ADGRF1: variants seen among roughly 807,000 people sequenced by gnomAD.
ADGRF1 encodes the protein G protein-coupled receptor 110.
Under a neutral mutation model 87.2 loss-of-function variants are expected in ADGRF1, and 85 were observed. That is an observed-to-expected ratio of 0.97 (90% CI 0.82 to 1.17). ADGRF1 has a LOEUF of 1.17. ADGRF1 is among the 50% of genes most tolerant of loss of function. The probability of loss-of-function intolerance (pLI) is 0.00; values close to 1 mark genes in which losing one functional copy is unlikely to be tolerated. For synonymous variants in ADGRF1, 430 were observed against 408.8 expected, an observed-to-expected ratio of 1.05 and a Z score of -0.63; for missense variants, 1,169 against 1,077.2, an observed-to-expected ratio of 1.09 and a Z score of -1.19.
At chr6:47,040,181 GT>G (rs1554138077) in intron 1 of ADGRF1, among the ~76,000 whole-genome samples, 1 of 150,820 alleles carries the variant, frequency 6.6e-6, no homozygotes, top group Non-Finnish European at 1.5e-5. Context: ...AGAGAACCAG[GT>G]GGCTGAGCGT....
intron 7 of ADGRF1, chr6:47,017,637 G>GA (rs1779922011): frequency 6.7e-6 from 1 of 148,560 alleles, no homozygotes; most frequent in Non-Finnish European, 1.5e-5. Context: ...ACCACTGATA[G>GA]AAAAATGAGG....
At chr6:47,020,610 C>A in intron 7 of ADGRF1, 121 bp downstream of exon 7, 1 of 1,542,302 alleles carries the variant, frequency 6.5e-7, no homozygotes, top group South Asian at 1.2e-5. Context: ...AGTAAAAATC[C>A]TACTATAAAG....
Position 47,000,272 on chromosome 6 carries a change from C to A in ADGRF1, c.2683G>T (p.Gly895Ter). 6.2e-7 allele frequency: 1 copy of A among 1,601,574 alleles called. No homozygotes were observed. The highest frequency in any genetic ancestry group is 8.5e-7 in the Non-Finnish European group (1 of 1,171,858). ...AGCATGATGTTGTCGGAGGAATCTCCAGTATGAGAAAATGCATAATGGCCT... is the reference window on the plus strand; with the variant it reads ...AGCATGATGTTGTCGGAGGAATCTCAAGTATGAGAAAATGCATAATGGCCT... ...NKGHYAFSHT[G>*]DSSDNIMLTQ... The change falls in exon 15 of 15, where the codon GGA becomes TGA. Residue 895 changes from glycine to a stop codon, truncating the protein, a stop_gained. Transcript: ENST00000371253. LOFTEE classifies it high-confidence loss of function.
At chr6:47,007,213 G>A (rs768704478) in intron 12 of ADGRF1, 40 bp downstream of exon 12, 7 of 1,316,146 alleles carry the variant, frequency 5.3e-6, no homozygotes, top group Non-Finnish European at 7.5e-6. Flanking sequence ...GGCCTAAGAT[G>A]TCTAGGCTAG....
chr6:47,035,338 T>G (rs530655180), intron 1 of ADGRF1, among the ~76,000 whole-genome samples: 1 of 152,368 alleles, frequency 6.6e-6, no homozygotes, highest in Non-Finnish European at 1.5e-5. Context: ...TCATCTCCTC[T>G]ACTTGACTTC....
At chr6:47,024,322 T>C (rs1226489) in intron 4 of ADGRF1, 105 bp from the exon 5 acceptor site, 36,109 of 817,772 alleles carry the variant, frequency 0.044, 3,537 homozygotes, top group African/African-American at 0.28. Flanking sequence ...ATTAACTTCC[T>C]ACATCTTCTA....
rs1402179912 is a variant in ADGRF1, at chr6:46,998,316, T to A, written c.*1906A>T. 6.6e-6 allele frequency: 1 copy of A among 151,466 alleles called. No individual in the cohort carries two copies. Among genetic ancestry groups the A allele is most frequent in the Non-Finnish European group, 1.5e-5 (1 of 67,818 alleles). The allele number at this position is 151,466 out of a possible 1,614,324, so 9.4% of individuals were successfully genotyped here. On this transcript the variant is annotated 3_prime_UTR_variant, in exon 15 of 15. Transcript: ENST00000371253. Reference sequence around the variant, plus strand: ...TTTAGCTTGTGTAGATTTTTTTGTATTCCAGGTGGTCATTTGTGACTCCTT... The same window carrying A: ...TTTAGCTTGTGTAGATTTTTTTGTAATCCAGGTGGTCATTTGTGACTCCTT...
chr6:47,013,751 G>A, intron 9 of ADGRF1: 1 of 615,002 alleles, frequency 1.6e-6, no homozygotes, highest in Non-Finnish European at 2.0e-6. Flanking sequence ...GGAGATGATT[G>A]GATCATGGAG....
At chr6:47,035,351 T>C (rs1202947475) in intron 1 of ADGRF1, among the ~76,000 whole-genome samples, 2 of 152,220 alleles carry the variant, frequency 1.3e-5, no homozygotes, top group African/African-American at 2.4e-5. Flanking sequence ...TTGACTTCAT[T>C]TAAAGTAGGT....
At chr6:47,017,637 G>A (rs1007484441) in intron 7 of ADGRF1, 2 of 148,560 alleles carry the variant, frequency 1.3e-5, no homozygotes, top group Non-Finnish European at 3.0e-5. Flanking sequence ...ACCACTGATA[G>A]AAAAATGAGG....
intron 11 of ADGRF1, among the ~76,000 whole-genome samples, chr6:47,007,730 C>T (rs1049094153): frequency 7.2e-5 from 11 of 152,214 alleles, no homozygotes; most frequent in African/African-American, 2.7e-4. Flanking sequence ...CCCTTTCCTT[C>T]CAGTGCAGGT....
At chr6:47,014,621 G>A (rs1478233592) in intron 9 of ADGRF1, 60 bp downstream of exon 9, 2 of 1,579,434 alleles carry the variant, frequency 1.3e-6, no homozygotes, top group Non-Finnish European at 1.7e-6. Flanking sequence ...CATGCTCACT[G>A]GGATATTGCC....
At chr6:47,007,851 T>C (rs1779576657) in intron 11 of ADGRF1, among the ~76,000 whole-genome samples, 1 of 152,218 alleles carries the variant, frequency 6.6e-6, no homozygotes. Flanking sequence ...ACTGTACTCC[T>C]GCTCCCCAAC....
At chr6:47,028,844 G>T in intron 2 of ADGRF1, 149 bp downstream of exon 2, 1 of 672,738 alleles carries the variant, frequency 1.5e-6, no homozygotes, top group Non-Finnish European at 2.7e-6. Context: ...GTGAATGTTG[G>T]TAATGTTGAA....
rs554523686 is a variant in ADGRF1 at position 47,007,487 on chromosome 6, C to CA, written c.2491-194dup. Among the ~76,000 whole-genome samples the CA allele has an allele frequency of 3.1e-3, 471 of 152,216 alleles. 2 individuals are homozygous for CA. The highest frequency in any genetic ancestry group is 0.01 in the African/African-American group (434 of 41,540). ...AGTGCATGGCACTATGCAAAGCACT[C>CA]AAAAAAATGTTTTGTTGATGTCTAA... On this transcript the variant is annotated intron_variant, in intron 11 of 14. Coordinates refer to ENST00000371253, the MANE Select transcript of ADGRF1 (RefSeq NM_153840.4).
At position 47,014,845 on chromosome 6, in the gene ADGRF1, C is replaced by T. The variant is rs1162554604; in HGVS notation, c.764-1G>A. 3 of 1,592,374 alleles carry T rather than the reference C, an allele frequency of 1.9e-6. No individual in the cohort carries two copies. Among genetic ancestry groups the T allele is most frequent in the Non-Finnish European group, 1.7e-6 (2 of 1,167,640 alleles). ...CCAAAGACAATGTCATTACACTGGG[C>T]TGGAAACAAAAGAAAACAACAAAGA... On this transcript the variant is annotated splice_acceptor_variant, in intron 8 of 14. Transcript: ENST00000371253. LOFTEE classifies it high-confidence loss of function.
chr6:47,035,022 T>C (rs1364633467), intron 1 of ADGRF1, among the ~76,000 whole-genome samples: 4 of 152,258 alleles, frequency 2.6e-5, no homozygotes. Context: ...GGATGATTTG[T>C]TGTTTTTAGC....
intron 7 of ADGRF1, chr6:47,019,774 C>A (rs774881211): frequency 3.8e-5 from 37 of 984,526 alleles, no homozygotes; most frequent in Non-Finnish European, 4.3e-5. Context: ...AAGTCAATTT[C>A]TCTGACCTCT....
At chr6:47,018,107 C>T (rs547972139) in intron 7 of ADGRF1, 1 of 227,084 alleles carries the variant, frequency 4.4e-6, no homozygotes, top group Admixed American at 5.3e-5. Context: ...GGACACATGA[C>T]ATTTGACATC....
Sources: allele counts gnomAD v4.1 joint callset (sites outside exome capture counted in the v4.1 genomes callset), GRCh38; gene constraint gnomAD v4.1.1; transcripts MANE v1.5; gene names NCBI Gene and HGNC (gene_info 2026-07-23, HGNC 2026-07-21).